The following AFDN variants were observed in gnomAD, a reference collection of about 807,000 sequenced individuals.
AFDN encodes the protein afadin, adherens junction formation factor.
A neutral mutation model predicts 216.6 loss-of-function variants in AFDN; 68 were observed. The observed-to-expected ratio is 0.31, with a 90% CI of 0.26 to 0.38. The LOEUF is 0.38. AFDN is among the 10% of genes least tolerant of loss of function. The pLI is 1.00. For missense variants in AFDN, 2,136 were observed against 2,342.0 expected, an observed-to-expected ratio of 0.91 and a Z score of 1.82; for synonymous variants, 868 against 853.7, an observed-to-expected ratio of 1.02 and a Z score of -0.29.
chr6:167,946,712 G>C lies in AFDN; in HGVS notation c.3364G>C (p.Asp1122His). 1 of 1,613,654 alleles carries C rather than the reference G, an allele frequency of 6.2e-7. No homozygotes were observed. Among genetic ancestry groups the C allele is most frequent in the Non-Finnish European group, 8.5e-7 (1 of 1,179,842 alleles). ...TGAATATGCTTTGATTCCAGTTTCA[G>C]ATCGTCGTGGCTCAGGTAAACCCCG... The part of the protein sequence containing the change: ...QPSPMMQRIS[D>H]RRGSGKPRPK... Residue 1122 changes from aspartate (D) to histidine (H), a missense_variant, in exon 27 of 34, where the codon GAT becomes CAT. Asp to His is a moderately conservative substitution (Grantham distance 81). Coordinates refer to ENST00000683244, the MANE Select transcript of AFDN (RefSeq NM_001386888.1).
intron 1 of AFDN, among the ~76,000 whole-genome samples, chr6:167,857,553 G>A (rs1783046580): frequency 6.6e-6 from 1 of 152,024 alleles, no homozygotes; most frequent in African/African-American, 2.4e-5. Context: ...TTCTTAAGTT[G>A]AAGTCTATGA....
intron 1 of AFDN, chr6:167,827,943 G>C (rs1227146844): frequency 6.6e-6 from 1 of 152,218 alleles, no homozygotes; most frequent in African/African-American, 2.4e-5. Context: ...GTAACAATGG[G>C]GGTTGTTTAT....
intron 2 of AFDN, among the ~76,000 whole-genome samples, chr6:167,865,969 A>G (rs1444069631): frequency 2.0e-5 from 3 of 152,080 alleles, no homozygotes; most frequent in African/African-American, 7.2e-5. Flanking sequence ...TCTTAAGGTT[A>G]TCATCTTCAT....
At chr6:167,880,188 G>C (rs1785934706) in intron 5 of AFDN, among the ~76,000 whole-genome samples, 172 bp from the exon 6 acceptor site, 1 of 152,122 alleles carries the variant, frequency 6.6e-6, no homozygotes, top group South Asian at 2.1e-4. Flanking sequence ...ACTAGTTACT[G>C]CTATTATATG....
chr6:167,901,179 C>A (rs887929303), intron 11 of AFDN, among the ~76,000 whole-genome samples: 8 of 152,026 alleles, frequency 5.3e-5, no homozygotes, highest in Non-Finnish European at 7.4e-5. Context: ...TGAAATTAGA[C>A]CATATATTAA....
intron 1 of AFDN, among the ~76,000 whole-genome samples, chr6:167,842,374 T>C (rs1781169168): frequency 6.6e-6 from 1 of 152,182 alleles, no homozygotes; most frequent in Non-Finnish European, 1.5e-5. Flanking sequence ...TTCTTGATGT[T>C]CTTCTACTCA....
At chr6:167,888,433 C>T (rs1197122583) in intron 6 of AFDN, among the ~76,000 whole-genome samples, 1 of 152,156 alleles carries the variant, frequency 6.6e-6, no homozygotes, top group Non-Finnish European at 1.5e-5. Flanking sequence ...CTTATTCTCT[C>T]TAATCCTGTT....
At chr6:167,925,369 A>G (rs967482512) in intron 23 of AFDN, among the ~76,000 whole-genome samples, 4 of 152,226 alleles carry the variant, frequency 2.6e-5, no homozygotes, top group Admixed American at 1.3e-4. Context: ...TTAAAGGCAT[A>G]GTCAAAACTT....
rs535805983 is a variant in AFDN, at chr6:167,894,108, T to A, written c.1222+202T>A. 2.0e-5 allele frequency among the ~76,000 whole-genome samples: 3 copies of A among 152,274 alleles called. No individual in the cohort carries two copies. In the East Asian group the frequency reaches 5.8e-4, roughly 29 times the overall value. ...GAACTCATTTCATTTACTGGAAGCT[T>A]GTTTTGTGTCTTTATTTTCCCAGGT... is the stretch of plus-strand genomic sequence containing the variant. On this transcript the variant is annotated intron_variant, in intron 9 of 33. Coordinates refer to ENST00000683244, the MANE Select transcript of AFDN (RefSeq NM_001386888.1).
intron 11 of AFDN, among the ~76,000 whole-genome samples, chr6:167,900,512 C>T (rs945732197): frequency 1.3e-5 from 2 of 152,160 alleles, no homozygotes; most frequent in African/African-American, 4.8e-5. Flanking sequence ...ATTTCAAAGT[C>T]ATATTATAAA....
rs1229582287 is a variant in AFDN, at chr6:167,827,309, G to GCCGC, written c.105+78_105+81dup. 11 of 516,564 alleles carry GCCGC rather than the reference G, an allele frequency of 2.1e-5. No homozygotes were observed. The Admixed American group carries it at 1.4e-3, about 66-fold the overall frequency. The allele number at this position is 516,564 out of a possible 1,614,324, so 32.0% of individuals were successfully genotyped here. A position where few individuals can be genotyped will look rare whatever the true frequency, so the allele number is the denominator to read the frequency against. On this transcript the variant is annotated intron_variant, in intron 1 of 33. Coordinates refer to ENST00000683244, the MANE Select transcript of AFDN (RefSeq NM_001386888.1). The stretch of plus-strand genomic sequence containing the variant: ...CCGCGCCCCGCCCCTCCCCCCCGCC[G>GCCGC]CCGCCCGCCAGCCGCGGACCCGCCC...
intron 6 of AFDN, among the ~76,000 whole-genome samples, chr6:167,882,190 C>T (rs781236045): frequency 8.6e-5 from 13 of 151,264 alleles, no homozygotes; most frequent in East Asian, 1.9e-4. Context: ...AAGAAACAGA[C>T]GGAGAAAGAA....
intron 17 of AFDN, 97 bp downstream of exon 17, chr6:167,914,410 C>G (rs368283484): frequency 2.1e-6 from 3 of 1,459,798 alleles, no homozygotes; most frequent in African/African-American, 2.8e-5. Flanking sequence ...TTTATATTTA[C>G]CTTGATTGAA....
At chr6:167,876,770 AT>A (rs540880247) in intron 5 of AFDN, among the ~76,000 whole-genome samples, 3,467 of 146,714 alleles carry the variant, frequency 0.024, 60 homozygotes, top group Non-Finnish European at 0.035. Flanking sequence ...TAACATTTAC[AT>A]TTTTTTTTTT....
chr6:167,913,026 G>A (rs904519262), intron 15 of AFDN, among the ~76,000 whole-genome samples: 1 of 151,966 alleles, frequency 6.6e-6, no homozygotes, highest in Admixed American at 6.6e-5. Context: ...CACCTTATTA[G>A]GTACCTTTTA....
intron 1 of AFDN, among the ~76,000 whole-genome samples, chr6:167,848,782 G>A (rs1781977349): frequency 6.6e-6 from 1 of 152,134 alleles, no homozygotes; most frequent in African/African-American, 2.4e-5. Flanking sequence ...CCGTCGGTGA[G>A]CATGTTTTCA....
At chr6:167,847,455 T>TGCACTCTCATCGGCACC (rs1255021172) in intron 1 of AFDN, among the ~76,000 whole-genome samples, 1 of 152,142 alleles carries the variant, frequency 6.6e-6, no homozygotes. Flanking sequence ...TTCCCACCAC[T>TGCACTCTCATCGGCACC]GCACTCTCAT....
At chr6:167,907,017 A>G (rs1789779994) in intron 12 of AFDN, among the ~76,000 whole-genome samples, 154 bp from the exon 13 acceptor site, 1 of 152,224 alleles carries the variant, frequency 6.6e-6, no homozygotes, top group South Asian at 2.1e-4. Flanking sequence ...CCCCGTGGAC[A>G]TAGTGTCCCC....
intron 32 of AFDN, 49 bp from the exon 33 acceptor site, chr6:167,969,065 T>C: frequency 1.4e-6 from 2 of 1,414,712 alleles, no homozygotes; most frequent in Non-Finnish European, 1.0e-6. Context: ...TGAGTAAAGC[T>C]TAGAAATAAT....
Sources: allele counts gnomAD v4.1 joint callset (sites outside exome capture counted in the v4.1 genomes callset), GRCh38; gene constraint gnomAD v4.1.1; transcripts MANE v1.5; gene names NCBI Gene and HGNC (gene_info 2026-07-23, HGNC 2026-07-21).